The following MLLT10 variants were observed in gnomAD, a reference collection of about 807,000 sequenced individuals.
MLLT10 encodes MLLT10 histone lysine methyltransferase DOT1L cofactor.
Under a neutral mutation model 129.1 loss-of-function variants are expected in MLLT10, and 30 were observed. That is an observed-to-expected ratio of 0.23 (90% confidence interval 0.17 to 0.32). The LOEUF (loss-of-function observed/expected upper bound fraction) is 0.32. Ranked by LOEUF, MLLT10 falls within the 10% of genes least tolerant of loss-of-function variation. The pLI, the probability that MLLT10 is intolerant of heterozygous loss-of-function variation, is 1.00. For synonymous variants in MLLT10, 490 were observed against 446.4 expected, an observed-to-expected ratio of 1.10 and a Z score of -1.23; for missense variants, 1,119 against 1,268.3, an observed-to-expected ratio of 0.88 and a Z score of 1.79.
intron 2 of MLLT10, among the ~76,000 whole-genome samples, chr10:21,537,057 G>T (rs1251659062): frequency 1.3e-5 from 2 of 152,030 alleles, no homozygotes; most frequent in Non-Finnish European, 2.9e-5. Context: ...CAAACTGCTG[G>T]GATTACAGGT....
intron 8 of MLLT10, among the ~76,000 whole-genome samples, chr10:21,635,042 G>T (rs2047332594): frequency 6.6e-6 from 1 of 152,126 alleles, no homozygotes; most frequent in Non-Finnish European, 1.5e-5. Flanking sequence ...GTGTGTCTCT[G>T]TCCTAGAATG....
At position 21,735,896 on chromosome 10, in the gene MLLT10, G is replaced by GTA. The variant is rs575140753; in HGVS notation, c.2955+663_2955+664dup. On this transcript the variant is annotated intron_variant, in intron 21 of 22. Transcript: ENST00000307729. The stretch of plus-strand genomic sequence containing the variant: ...GCAAGAAATTTGGATTTTATCTTAA[G>GTA]TATGAATGGAAAGCCACTGGCGAGT... Among the ~76,000 whole-genome samples the GTA allele has an allele frequency of 7.9e-3, 1,198 of 152,252 alleles. 15 individuals are homozygous for GTA. The highest frequency in any genetic ancestry group is 0.011 in the Non-Finnish European group (739 of 68,020).
chr10:21,625,021 A>G, intron 8 of MLLT10: 1 of 978,810 alleles, frequency 1.0e-6, no homozygotes, highest in Non-Finnish European at 1.6e-6. Flanking sequence ...TCATAGCCAT[A>G]GTAGGGAATC....
intron 4 of MLLT10, among the ~76,000 whole-genome samples, chr10:21,591,200 G>A (rs1319145855): frequency 2.6e-5 from 4 of 152,068 alleles, no homozygotes; most frequent in African/African-American, 7.2e-5. Flanking sequence ...GGGACTACAC[G>A]TGCACGCCAC....
At chr10:21,573,303 G>C (rs2040400723) in intron 3 of MLLT10, among the ~76,000 whole-genome samples, 1 of 152,092 alleles carries the variant, frequency 6.6e-6, no homozygotes, top group Non-Finnish European at 1.5e-5. Flanking sequence ...TTCAAATATA[G>C]CTTTTATTAC....
chr10:21,646,853 CTT>C (rs1193229400), intron 8 of MLLT10, among the ~76,000 whole-genome samples: 4 of 139,870 alleles, frequency 2.9e-5, no homozygotes, highest in Admixed American at 7.2e-5. Context: ...TGACTATTCC[CTT>C]TTTTTTTTTT....
intron 3 of MLLT10, among the ~76,000 whole-genome samples, chr10:21,559,007 C>T (rs1348594868): frequency 6.6e-6 from 1 of 152,108 alleles, no homozygotes; most frequent in Admixed American, 6.5e-5. Flanking sequence ...ATATTTTGAA[C>T]CATAATGTTC....
intron 5 of MLLT10, 64 bp downstream of exon 5, chr10:21,595,504 T>C: frequency 1.5e-6 from 2 of 1,329,276 alleles, no homozygotes; most frequent in Non-Finnish European, 2.1e-6. Context: ...AGGAAGTTTT[T>C]GTGTTTTTAA....
chr10:21,554,052 T>C (rs2037512939), intron 3 of MLLT10, among the ~76,000 whole-genome samples: 1 of 152,226 alleles, frequency 6.6e-6, no homozygotes. Flanking sequence ...TGTGCTTGCT[T>C]ATACTCATTG....
At chr10:21,625,995 G>A in intron 8 of MLLT10, 1 of 969,456 alleles carries the variant, frequency 1.0e-6, no homozygotes, top group Non-Finnish European at 1.7e-6. Flanking sequence ...TTTGGTGGAG[G>A]CCCACCATAC....
intron 13 of MLLT10, among the ~76,000 whole-genome samples, chr10:21,700,476 T>A (rs888992349): frequency 1.3e-5 from 2 of 152,160 alleles, no homozygotes; most frequent in Non-Finnish European, 2.9e-5. Context: ...CTTTTTCCTG[T>A]TGAGTATAAT....
chr10:21,570,166 C>T (rs1157551275), intron 3 of MLLT10, among the ~76,000 whole-genome samples: 3 of 152,128 alleles, frequency 2.0e-5, no homozygotes, highest in Non-Finnish European at 4.4e-5. Flanking sequence ...ACCTCGGCCT[C>T]CCAAAGTGCT....
At chr10:21,550,127 A>G (rs1288431644) in intron 3 of MLLT10, among the ~76,000 whole-genome samples, 1 of 152,194 alleles carries the variant, frequency 6.6e-6, no homozygotes. Flanking sequence ...TGGTAGCTGC[A>G]GAGTCTGTTA....
At chr10:21,624,134 T>C (rs1295449979) in intron 8 of MLLT10, among the ~76,000 whole-genome samples, 1 of 152,210 alleles carries the variant, frequency 6.6e-6, no homozygotes, top group Non-Finnish European at 1.5e-5. Flanking sequence ...TCATAGGTTA[T>C]TTTCAGTATA....
intron 9 of MLLT10, 57 bp from the exon 10 acceptor site, chr10:21,670,392 T>C: frequency 6.6e-7 from 1 of 1,504,908 alleles, no homozygotes; most frequent in African/African-American, 1.4e-5. Context: ...CCCATTGTTT[T>C]CTGTAACTAA....
chr10:21,673,300 G>GTGC, intron 10 of MLLT10, 50 bp from the exon 11 acceptor site: 1 of 655,068 alleles, frequency 1.5e-6, no homozygotes, highest in Non-Finnish European at 2.2e-6. Context: ...CAATTTTTCT[G>GTGC]TCCCCCCCAC....
chr10:21,622,349 G>C (rs1452176280), intron 8 of MLLT10, among the ~76,000 whole-genome samples: 1 of 136,666 alleles, frequency 7.3e-6, no homozygotes, highest in Non-Finnish European at 1.6e-5. Context: ...TTTTAAATTT[G>C]TAGAGACGAG....
At chr10:21,603,133 A>C (rs1421481541) in intron 5 of MLLT10, among the ~76,000 whole-genome samples, 1 of 143,158 alleles carries the variant, frequency 7.0e-6, no homozygotes, top group Non-Finnish European at 1.5e-5. Context: ...GCTCACTGCA[A>C]CCTCCTCCTC....
At chr10:21,635,819 C>T (rs939384966) in intron 8 of MLLT10, among the ~76,000 whole-genome samples, 44 of 151,486 alleles carry the variant, frequency 2.9e-4, no homozygotes, top group African/African-American at 9.9e-4. Flanking sequence ...CTCCGCCTCC[C>T]GGGTTCAAGA....
Sources: gnomAD v4.1 joint callset for allele counts (sites outside exome capture counted in the v4.1 genomes callset) on GRCh38, gnomAD v4.1.1 for gene constraint, MANE v1.5 for transcripts, NCBI Gene and HGNC (gene_info 2026-07-23, HGNC 2026-07-21) for gene names.